Variants in SLC22A16 observed in about 807,000 individuals in gnomAD.
The protein encoded by SLC22A16 is WUGSC:RG331P03.1.
SLC22A16 carries 53 observed loss-of-function variants against 52.9 expected under a neutral mutation model. That is an observed-to-expected ratio of 1.00 (90% CI 0.80 to 1.26). The LOEUF (loss-of-function observed/expected upper bound fraction) is 1.26, where lower values mean the gene tolerates loss of function less well. Among genes scored for constraint, SLC22A16 ranks in the 50% most tolerant of loss-of-function variants. SLC22A16 has a pLI of 0.00. For synonymous variants in SLC22A16, 291 were observed against 268.8 expected (o/e 1.08, Z -0.81); for missense variants, 726 against 704.0 (o/e 1.03, Z -0.35).
chr6:110,427,363 G>A (rs1218935752), intron 7 of SLC22A16, among the ~76,000 whole-genome samples: 2 of 152,072 alleles, frequency 1.3e-5, no homozygotes, highest in African/African-American at 4.8e-5. Flanking sequence ...TACCTGTGTG[G>A]CTTTGGGCAA....
chr6:110,424,712 T>A lies in SLC22A16; in HGVS notation c.*161A>T, dbSNP rs1001825873. ...TTTTTAAAACTGAGAATTTTCATCT[T>A]AGTTTTTATTTCTTTTATAACATAT... On this transcript the variant is annotated 3_prime_UTR_variant, in exon 8 of 8. Coordinates refer to ENST00000368919, the MANE Select transcript of SLC22A16 (RefSeq NM_033125.4). 1 of 821,162 alleles carries A rather than the reference T, an allele frequency of 1.2e-6. No homozygotes were observed. Among genetic ancestry groups the A allele is most frequent in the African/African-American group, 1.7e-5 (1 of 57,540 alleles). The allele number at this position is 821,162 out of a possible 1,614,324, so 50.9% of individuals were successfully genotyped here.
intron 5 of SLC22A16, among the ~76,000 whole-genome samples, chr6:110,436,882 C>T (rs911980832): frequency 5.3e-5 from 8 of 152,028 alleles, no homozygotes; most frequent in Non-Finnish European, 1.2e-4. Flanking sequence ...CCCTATATTC[C>T]GAAATCTCCC....
At chr6:110,429,428 G>A (rs953182254) in intron 7 of SLC22A16, among the ~76,000 whole-genome samples, 11 of 152,208 alleles carry the variant, frequency 7.2e-5, no homozygotes, top group African/African-American at 2.7e-4. Context: ...AACTCCAGGG[G>A]ATACCAAGCA....
At chr6:110,471,961 C>G (rs1423301280) in intron 1 of SLC22A16, among the ~76,000 whole-genome samples, 2 of 152,202 alleles carry the variant, frequency 1.3e-5, no homozygotes, top group African/African-American at 4.8e-5. Context: ...AGCTGGACTG[C>G]AGCCCTGGGT....
chr6:110,442,965 C>T (rs930464270), intron 3 of SLC22A16, among the ~76,000 whole-genome samples, 190 bp from the exon 4 acceptor site: 1 of 152,056 alleles, frequency 6.6e-6, no homozygotes, highest in Non-Finnish European at 1.5e-5. Context: ...TTTCATCTTC[C>T]CTCATCCTCC....
intron 2 of SLC22A16, among the ~76,000 whole-genome samples, chr6:110,449,552 TA>T (rs1281786231): frequency 6.6e-6 from 1 of 152,206 alleles, no homozygotes; most frequent in African/African-American, 2.4e-5. Context: ...TTAATAGGGA[TA>T]GGACAAGCTC....
chr6:110,424,734 A>G lies in SLC22A16; in HGVS notation c.*139T>C. 1 of 980,422 alleles carries G rather than the reference A, an allele frequency of 1.0e-6. No individual in the cohort carries two copies. Among genetic ancestry groups the G allele is most frequent in the Non-Finnish European group, 1.5e-6 (1 of 677,844 alleles). 60.7% of individuals were successfully genotyped at this position (980,422 alleles called of 1,614,324 possible). A position where few individuals can be genotyped will look rare whatever the true frequency, so the allele number is the denominator to read the frequency against. On this transcript the variant is annotated 3_prime_UTR_variant, in exon 8 of 8. Transcript: ENST00000368919. Reference sequence around the variant, plus strand: ...TCTTAGTTTTTATTTCTTTTATAACATATTTGCTTTAAAATTTTCTTACAA... The same window carrying G: ...TCTTAGTTTTTATTTCTTTTATAACGTATTTGCTTTAAAATTTTCTTACAA...
intron 5 of SLC22A16, among the ~76,000 whole-genome samples, chr6:110,437,528 G>A (rs1201295588): frequency 6.6e-6 from 1 of 152,128 alleles, no homozygotes; most frequent in Admixed American, 6.6e-5. Context: ...TTGGCTCACC[G>A]ATCCTAAGCA....
chr6:110,466,138 A>G (rs1343444405), intron 1 of SLC22A16, among the ~76,000 whole-genome samples: 1 of 152,102 alleles, frequency 6.6e-6, no homozygotes, highest in Non-Finnish European at 1.5e-5. Flanking sequence ...AAAATTAACT[A>G]AGGATGAATT....
intron 5 of SLC22A16, among the ~76,000 whole-genome samples, chr6:110,438,002 C>T (rs1774799902): frequency 1.3e-5 from 2 of 152,160 alleles, no homozygotes; most frequent in South Asian, 2.1e-4. Context: ...CTTCAGATGT[C>T]TCCATGGCTG....
intron 3 of SLC22A16, among the ~76,000 whole-genome samples, chr6:110,443,420 C>G (rs911870758): frequency 1.3e-5 from 2 of 151,970 alleles, no homozygotes; most frequent in Non-Finnish European, 2.9e-5. Context: ...AGGCTTTGAA[C>G]AGACATTTCA....
chr6:110,459,389 G>A (rs1775783806), intron 1 of SLC22A16, among the ~76,000 whole-genome samples: 1 of 152,112 alleles, frequency 6.6e-6, no homozygotes, highest in Non-Finnish European at 1.5e-5. Flanking sequence ...GATGAGAAGG[G>A]CACTTCATCT....
In SLC22A16 at chr6:110,454,628, ATT is replaced by A. The variant is rs1371018087; in HGVS notation, c.533+1908_533+1909del. ...ATTATATATTTTATATATAATATAT[ATT>A]TATATATATTATATATTTTATATAT... is the stretch of plus-strand genomic sequence containing the variant. On this transcript the variant is annotated intron_variant, in intron 2 of 7. Coordinates refer to ENST00000368919, the MANE Select transcript of SLC22A16 (RefSeq NM_033125.4). Among the ~76,000 whole-genome samples the A allele has an allele frequency of 7.4e-3, 372 of 50,024 alleles. 6 individuals carry two copies. Among genetic ancestry groups the A allele is most frequent in the African/African-American group, 0.036 (349 of 9,656 alleles). The allele number at this position is 50,024 out of a possible 152,430, so 32.8% of individuals were successfully genotyped here. A position where few individuals can be genotyped will look rare whatever the true frequency, so the allele number is the denominator to read the frequency against.
chr6:110,429,653 G>A (rs1450928406), intron 7 of SLC22A16, among the ~76,000 whole-genome samples: 1 of 152,302 alleles, frequency 6.6e-6, no homozygotes, highest in East Asian at 1.9e-4. Context: ...CAAATGTCCT[G>A]CTCTGCAAAG....
intron 2 of SLC22A16, chr6:110,453,780 T>C (rs565920582): frequency 4.4e-4 from 197 of 447,634 alleles, no homozygotes; most frequent in Middle Eastern, 1.1e-3. Context: ...GGATAATTTA[T>C]AAAGAAAAGA....
At chr6:110,457,840 C>G (rs1033728821) in intron 1 of SLC22A16, among the ~76,000 whole-genome samples, 1 of 152,078 alleles carries the variant, frequency 6.6e-6, no homozygotes, top group Non-Finnish European at 1.5e-5. Flanking sequence ...CTAGCAGTAG[C>G]GTCAGTGCCA....
At chr6:110,443,155 A>G (rs1009102767) in intron 3 of SLC22A16, among the ~76,000 whole-genome samples, 3 of 152,194 alleles carry the variant, frequency 2.0e-5, no homozygotes, top group Non-Finnish European at 4.4e-5. Flanking sequence ...CTAAATGGAG[A>G]CAAAAAAATT....
chr6:110,467,950 C>G (rs1314922421), intron 1 of SLC22A16, among the ~76,000 whole-genome samples: 1 of 152,228 alleles, frequency 6.6e-6, no homozygotes, highest in East Asian at 1.9e-4. Context: ...CAAGTCCTCA[C>G]AGATAACTGC....
intron 1 of SLC22A16, among the ~76,000 whole-genome samples, chr6:110,465,526 A>G (rs759483657): frequency 6.6e-6 from 1 of 152,134 alleles, no homozygotes; most frequent in Non-Finnish European, 1.5e-5. Flanking sequence ...TCAAAAAGTC[A>G]ATCCCATTTA....
Sources: gnomAD v4.1 joint callset for allele counts (sites outside exome capture counted in the v4.1 genomes callset) on GRCh38, gnomAD v4.1.1 for gene constraint, MANE v1.5 for transcripts, NCBI Gene and HGNC (gene_info 2026-07-23, HGNC 2026-07-21) for gene names.